The following ZNF684 variants were observed in gnomAD, a reference collection of about 807,000 sequenced individuals.
The protein encoded by ZNF684 is hypothetical protein MGC27466.
In ZNF684, 13 loss-of-function variants were observed where a neutral mutation model predicts 12.8. The ratio of observed to expected loss-of-function variants is 1.02; its 90% confidence interval spans 0.66 to 1.62. The LOEUF (loss-of-function observed/expected upper bound fraction) is 1.62. Among genes scored for constraint, ZNF684 ranks in the 40% most tolerant of loss-of-function variants. The pLI, the probability that ZNF684 is intolerant of heterozygous loss-of-function variation, is 0.00. For missense variants in ZNF684, 384 were observed against 446.9 expected (o/e 0.86, Z 1.27); for synonymous variants, 118 against 151.8 (o/e 0.78, Z 1.64).
At chr1:40,538,174 G>A (rs1645995283) in intron 2 of ZNF684, among the ~76,000 whole-genome samples, 1 of 151,492 alleles carries the variant, frequency 6.6e-6, no homozygotes. Flanking sequence ...TTTTATTTTT[G>A]TAGAGACTGA....
intron 2 of ZNF684, among the ~76,000 whole-genome samples, chr1:40,534,147 C>T (rs1261224135): frequency 6.6e-6 from 1 of 151,062 alleles, no homozygotes; most frequent in Non-Finnish European, 1.5e-5. Flanking sequence ...ATTAGGATTG[C>T]ATTAAACTTA....
At chr1:40,533,821 TTC>T (rs1016873667) in intron 2 of ZNF684, among the ~76,000 whole-genome samples, 3 of 134,106 alleles carry the variant, frequency 2.2e-5, no homozygotes, top group Non-Finnish European at 4.6e-5. Context: ...ATGTTAGGTA[TTC>T]TTTTTTTTTT....
At chr1:40,538,489 T>A (rs571904951) in intron 2 of ZNF684, among the ~76,000 whole-genome samples, 2 of 152,356 alleles carry the variant, frequency 1.3e-5, no homozygotes, top group African/African-American at 4.8e-5. Flanking sequence ...GGTTTTTGTG[T>A]GGACAAATGT....
chr1:40,535,449 T>A (rs1442699625), intron 2 of ZNF684, among the ~76,000 whole-genome samples: 1 of 152,232 alleles, frequency 6.6e-6, no homozygotes, highest in Non-Finnish European at 1.5e-5. Context: ...CAAAAAAATC[T>A]GAGTATAAGT....
At chr1:40,545,965 C>T (rs906930236) in intron 4 of ZNF684, among the ~76,000 whole-genome samples, 9 of 139,296 alleles carry the variant, frequency 6.5e-5, no homozygotes, top group African/African-American at 2.5e-4. Context: ...GCTCCATCAC[C>T]AGGCTGGAGT....
At chr1:40,536,307 T>C (rs1645984758) in intron 2 of ZNF684, among the ~76,000 whole-genome samples, 1 of 146,444 alleles carries the variant, frequency 6.8e-6, no homozygotes, top group African/African-American at 2.5e-5. Flanking sequence ...GGCAGGAGAA[T>C]GGCATGAACC....
chr1:40,543,011 C>CTTT lies in ZNF684; in HGVS notation c.238+1308_238+1310dup, dbSNP rs71842570. ...ACTTCTGTTGACATAAACCAAATGA[C>CTTT]TTTTTTTTTAGAGACAGGGTCTTAC... On this transcript the variant is annotated intron_variant, in intron 4 of 4. Transcript: ENST00000372699. Among the ~76,000 whole-genome samples the CTTT allele has an allele frequency of 8.8e-4, 133 of 151,018 alleles. 1 individual carries two copies. The highest frequency in any genetic ancestry group is 3.0e-3 in the African/African-American group (123 of 41,174).
At chr1:40,546,306 C>G (rs926923280) in intron 4 of ZNF684, among the ~76,000 whole-genome samples, 1 of 152,194 alleles carries the variant, frequency 6.6e-6, no homozygotes, top group African/African-American at 2.4e-5. Context: ...CCTGCACCCT[C>G]GTTGAGCAGC....
At chr1:40,537,126 A>G (rs1645989836) in intron 2 of ZNF684, among the ~76,000 whole-genome samples, 1 of 152,172 alleles carries the variant, frequency 6.6e-6, no homozygotes, top group African/African-American at 2.4e-5. Context: ...TTACAGTCCC[A>G]CCAACAGTGT....
intron 2 of ZNF684, among the ~76,000 whole-genome samples, chr1:40,534,445 T>A (rs947928921): frequency 1.3e-5 from 2 of 151,298 alleles, no homozygotes; most frequent in Non-Finnish European, 2.9e-5. Context: ...TTCACCATGT[T>A]GGTCAGGCTG....
intron 2 of ZNF684, 133 bp from the exon 3 acceptor site, chr1:40,540,453 G>A (rs1364361343): frequency 4.2e-6 from 4 of 941,256 alleles, no homozygotes; most frequent in Non-Finnish European, 6.1e-6. Context: ...TCCGAATCAA[G>A]CATGTAATCA....
At chr1:40,535,758 T>A (rs1175324356) in intron 2 of ZNF684, among the ~76,000 whole-genome samples, 2 of 152,196 alleles carry the variant, frequency 1.3e-5, no homozygotes, top group African/African-American at 2.4e-5. Flanking sequence ...TCAGTGCATT[T>A]CCCAGTACTG....
intron 2 of ZNF684, among the ~76,000 whole-genome samples, 153 bp downstream of exon 2, chr1:40,533,334 G>T (rs1011126445): frequency 1.3e-5 from 2 of 152,170 alleles, no homozygotes; most frequent in Admixed American, 1.3e-4. Flanking sequence ...CAAGTCATAG[G>T]GTTTGCAGAT....
chr1:40,541,344 C>T (rs577512806), intron 3 of ZNF684: 39 of 241,898 alleles, frequency 1.6e-4, no homozygotes, highest in Non-Finnish European at 2.5e-4. Flanking sequence ...CTACCACGCC[C>T]GGCTAATTTT....
chr1:40,545,781 A>G (rs923368986), intron 4 of ZNF684, among the ~76,000 whole-genome samples: 10 of 152,146 alleles, frequency 6.6e-5, no homozygotes, highest in African/African-American at 2.4e-4. Context: ...TGAGAGAAAT[A>G]GGGAATTATC....
chr1:40,547,600 A>G lies in ZNF684; in HGVS notation c.*140A>G. The G allele has an allele frequency of 7.0e-6, 5 of 714,970 alleles. No homozygotes were observed. The highest frequency in any genetic ancestry group is 1.1e-5 in the Non-Finnish European group (5 of 466,890). The allele number at this position is 714,970 out of a possible 1,614,324, so 44.3% of individuals were successfully genotyped here. On this transcript the variant is annotated 3_prime_UTR_variant, in exon 5 of 5. Transcript: ENST00000372699. The stretch of plus-strand genomic sequence containing the variant: ...CCATAAAAAACAACCAATGCCAATC[A>G]TGTTCTGGAAGTGATAATAAACTTT...
intron 4 of ZNF684, chr1:40,544,403 G>A (rs139525625): frequency 7.6e-4 from 322 of 423,774 alleles, no homozygotes; most frequent in African/African-American, 5.3e-3. Context: ...ACAGAGTCTC[G>A]CTCTGTCGCC....
chr1:40,547,666 C>A lies in ZNF684; in HGVS notation c.*206C>A. 1 of 407,562 alleles carries A rather than the reference C, an allele frequency of 2.5e-6. No homozygotes were observed. The highest frequency in any genetic ancestry group is 4.2e-6 in the Non-Finnish European group (1 of 237,450). The allele number at this position is 407,562 out of a possible 1,614,324, so 25.2% of individuals were successfully genotyped here. On this transcript the variant is annotated 3_prime_UTR_variant, in exon 5 of 5. Transcript: ENST00000372699. The stretch of plus-strand genomic sequence containing the variant: ...CAGAAAACAACTATAAATAATAGAG[C>A]ATAAAGCTTGGAAAGTAAGCATAAC...
intron 2 of ZNF684, among the ~76,000 whole-genome samples, chr1:40,538,443 A>C (rs1240978484): frequency 2.0e-5 from 3 of 152,076 alleles, no homozygotes; most frequent in Non-Finnish European, 2.9e-5. Flanking sequence ...CACTTTTTTG[A>C]CTATGAATAA....
Sources: gnomAD v4.1 joint callset for allele counts (sites outside exome capture counted in the v4.1 genomes callset) on GRCh38, gnomAD v4.1.1 for gene constraint, MANE v1.5 for transcripts, NCBI Gene and HGNC (gene_info 2026-07-23, HGNC 2026-07-21) for gene names.